DSCAML1: variants seen among roughly 807,000 people sequenced by gnomAD.
DSCAML1 encodes DS cell adhesion molecule like 1.
In DSCAML1, 38 loss-of-function variants were observed where a neutral mutation model predicts 200.5. The observed-to-expected ratio is 0.19, with a 90% CI of 0.15 to 0.25. The LOEUF is 0.25. DSCAML1 is among the 10% of genes least tolerant of loss of function. The pLI, the probability that DSCAML1 is intolerant of heterozygous loss-of-function variation, is 1.00. For synonymous variants in DSCAML1, 1,215 were observed against 1,165.0 expected, an observed-to-expected ratio of 1.04 and a Z score of -0.87; for missense variants, 2,223 against 2,858.8, an observed-to-expected ratio of 0.78 and a Z score of 5.07.
intron 3 of DSCAML1, among the ~76,000 whole-genome samples, chr11:117,735,354 C>T (rs2054297936): frequency 6.6e-6 from 1 of 152,150 alleles, no homozygotes; most frequent in Non-Finnish European, 1.5e-5. Flanking sequence ...CCAAATCTCA[C>T]AGGGCATGTA....
At position 117,769,077 on chromosome 11, in the gene DSCAML1, A is replaced by C. The variant is rs1436641612; in HGVS notation, c.511+7714T>G. On this transcript the variant is annotated intron_variant, in intron 3 of 32. Coordinates refer to ENST00000651296, the MANE Select transcript of DSCAML1 (RefSeq NM_020693.4). ...TCCATCTCAAAAAAATATATATATAATCTATATATAATATATATTTTATAT... is the reference window on the plus strand; with the variant it reads ...TCCATCTCAAAAAAATATATATATACTCTATATATAATATATATTTTATAT... Among the ~76,000 whole-genome samples the C allele has an allele frequency of 0.018, 7 of 386 alleles. No individual in the cohort carries two copies. The Non-Finnish European group carries it at 0.23, about 13-fold the overall frequency. The allele number at this position is 386 out of a possible 152,430, so 0.3% of individuals were successfully genotyped here.
chr11:117,722,507 A>G (rs1019147106), intron 3 of DSCAML1, among the ~76,000 whole-genome samples: 2 of 152,180 alleles, frequency 1.3e-5, no homozygotes, highest in African/African-American at 4.8e-5. Flanking sequence ...TGTATGTTTT[A>G]TAGAAGCTAG....
At chr11:117,565,475 T>TGA (rs2050741005) in intron 3 of DSCAML1, among the ~76,000 whole-genome samples, 1 of 152,080 alleles carries the variant, frequency 6.6e-6, no homozygotes, top group Admixed American at 6.6e-5. Flanking sequence ...TGACGTGGCA[T>TGA]TGATACACAA....
intron 3 of DSCAML1, among the ~76,000 whole-genome samples, chr11:117,720,415 T>C (rs894860906): frequency 3.3e-5 from 5 of 151,810 alleles, no homozygotes; most frequent in African/African-American, 1.2e-4. Context: ...GAAGTGGGGC[T>C]GGGAGGGGAG....
intron 3 of DSCAML1, among the ~76,000 whole-genome samples, chr11:117,656,548 C>CTATCT (rs1565855433): frequency 2.6e-5 from 3 of 115,538 alleles, no homozygotes; most frequent in African/African-American, 6.6e-5. Flanking sequence ...TCTATCTATC[C>CTATCT]ATCCATCCAC....
intron 3 of DSCAML1, among the ~76,000 whole-genome samples, chr11:117,618,750 G>T (rs1287394538): frequency 6.6e-6 from 1 of 152,144 alleles, no homozygotes; most frequent in Non-Finnish European, 1.5e-5. Context: ...GAGGGAGGGG[G>T]ATGCATTTCA....
At chr11:117,690,934 T>C (rs144662873) in intron 3 of DSCAML1, among the ~76,000 whole-genome samples, 2 of 152,128 alleles carry the variant, frequency 1.3e-5, no homozygotes, top group South Asian at 2.1e-4. Context: ...AAGCAAGGGT[T>C]CCACAGCTAA....
chr11:117,439,944 G>T lies in DSCAML1; in HGVS notation c.3863-8C>A. 6.2e-7 allele frequency: 1 copy of T among 1,612,636 alleles called. No individual in the cohort carries two copies. Among genetic ancestry groups the T allele is most frequent in the Non-Finnish European group, 8.5e-7 (1 of 1,178,650 alleles). ...AGATGATCTTTGCTGGGGCTACAGG[G>T]AGGAGAGGATGAGGGCCACTCCACT... On this transcript the variant is annotated splice_region_variant and splice_polypyrimidine_tract_variant and intron_variant, in intron 21 of 32. Transcript: ENST00000651296.
chr11:117,665,349 A>C (rs1394757338), intron 3 of DSCAML1, among the ~76,000 whole-genome samples: 3 of 152,228 alleles, frequency 2.0e-5, no homozygotes, highest in Non-Finnish European at 2.9e-5. Flanking sequence ...CTGTAAAATG[A>C]GGCTACCTCA....
chr11:117,612,730 C>T (rs1166364962), intron 3 of DSCAML1, among the ~76,000 whole-genome samples: 1 of 152,224 alleles, frequency 6.6e-6, no homozygotes, highest in African/African-American at 2.4e-5. Context: ...CAGCCTATCT[C>T]TCCTGGTGGG....
At chr11:117,500,196 T>C (rs1020932357) in intron 11 of DSCAML1, among the ~76,000 whole-genome samples, 2 of 152,256 alleles carry the variant, frequency 1.3e-5, no homozygotes, top group Non-Finnish European at 2.9e-5. Context: ...ACTATTGCTT[T>C]TGTGAAGCTT....
At chr11:117,593,852 C>T (rs1354191099) in intron 3 of DSCAML1, among the ~76,000 whole-genome samples, 1 of 152,000 alleles carries the variant, frequency 6.6e-6, no homozygotes, top group Non-Finnish European at 1.5e-5. Flanking sequence ...GATGGGACTA[C>T]AGGCGCCCGC....
chr11:117,694,082 C>CACACAT (rs113661359), intron 3 of DSCAML1, among the ~76,000 whole-genome samples: 10 of 139,246 alleles, frequency 7.2e-5, no homozygotes, highest in African/African-American at 2.6e-4. Flanking sequence ...TATATATACA[C>CACACAT]ATATATATAT....
In DSCAML1 at chr11:117,504,366, G is replaced by A. The variant is rs2049451958; in HGVS notation, c.2183-345C>T. On this transcript the variant is annotated intron_variant, in intron 10 of 32. Transcript: ENST00000651296. This position sits in a 1 kb window ranked among gnomAD's most constrained non-coding sequence, Gnocchi z 5.0. ...TGGCTGCAGGTGGAGAGAAGATTGA[G>A]CCTTCAAATGGCAGTTGTCTGGTCT... Among the ~76,000 whole-genome samples the A allele has an allele frequency of 6.6e-6, 1 of 152,214 alleles. No homozygotes were observed. Among genetic ancestry groups the A allele is most frequent in the African/African-American group, 2.4e-5 (1 of 41,456 alleles).
chr11:117,769,462 TATATATTTTATATATATA>T (rs2054989060), intron 3 of DSCAML1, among the ~76,000 whole-genome samples: 3 of 82,936 alleles, frequency 3.6e-5, no homozygotes, highest in African/African-American at 1.8e-4. Flanking sequence ...ATATATATAA[TATATATTTTATATATATA>T]ATATATATTT....
At chr11:117,810,398 C>T (rs776311102) in intron 1 of DSCAML1, among the ~76,000 whole-genome samples, 2 of 152,124 alleles carry the variant, frequency 1.3e-5, no homozygotes, top group African/African-American at 2.4e-5. Flanking sequence ...CTCTGTGTCC[C>T]AATCCCTTAT....
rs371473149 is a variant in DSCAML1 at position 117,780,302 on chromosome 11, AAGAG to A, written c.364+187_364+190del. Among the ~76,000 whole-genome samples the A allele has an allele frequency of 5.4e-4, 62 of 115,186 alleles. 2 individuals carry two copies. The East Asian group carries it at 6.0e-3, about 11-fold the overall frequency. The allele number at this position is 115,186 out of a possible 152,430, so 75.6% of individuals were successfully genotyped here. A position where few individuals can be genotyped will look rare whatever the true frequency, so the allele number is the denominator to read the frequency against. On this transcript the variant is annotated intron_variant, in intron 2 of 32. Transcript: ENST00000651296. The surrounding 1 kb of genome is among the most constrained non-coding windows in gnomAD (Gnocchi z 4.8). ...AAAGAAAGAAAGAAAGAAAGAAAGA[AAGAG>A]AGAAAGGAGAAAGAAAGGTGTCTCT... is the stretch of plus-strand genomic sequence containing the variant.
chr11:117,662,821 G>T (rs1221848006), intron 3 of DSCAML1, among the ~76,000 whole-genome samples: 1 of 152,154 alleles, frequency 6.6e-6, no homozygotes, highest in Non-Finnish European at 1.5e-5. Flanking sequence ...AGATTCTTGG[G>T]CCCCACTCAA....
intron 16 of DSCAML1, among the ~76,000 whole-genome samples, chr11:117,468,664 A>T (rs1401710544): frequency 6.6e-6 from 1 of 152,162 alleles, no homozygotes; most frequent in Non-Finnish European, 1.5e-5. Flanking sequence ...CCAGGTATCC[A>T]CTAGGTGGGC....
Sources: gnomAD v4.1 joint callset for allele counts (sites outside exome capture counted in the v4.1 genomes callset) on GRCh38, gnomAD v4.1.1 for gene constraint, Gnocchi (gnomAD v3.1) non-coding constraint, MANE v1.5 for transcripts, NCBI Gene and HGNC (gene_info 2026-07-23, HGNC 2026-07-21) for gene names.